The following CCDC91 variants were observed in gnomAD, a reference collection of about 807,000 sequenced individuals.
CCDC91 encodes the protein coiled-coil domain containing 91.
A neutral mutation model predicts 63.2 loss-of-function variants in CCDC91; 48 were observed. That is an observed-to-expected ratio of 0.76 (90% CI 0.60 to 0.97). The LOEUF (loss-of-function observed/expected upper bound fraction) is 0.97. Among genes scored for constraint, CCDC91 ranks in the 50% least tolerant of loss-of-function variants. The probability of loss-of-function intolerance (pLI) is 0.00; values close to 1 mark genes in which losing one functional copy is unlikely to be tolerated. For synonymous variants in CCDC91, 167 were observed against 165.8 expected (o/e 1.01, Z -0.06); for missense variants, 500 against 494.6 (o/e 1.01, Z -0.10).
At chr12:28,539,464 A>G (rs1305813541) in intron 12 of CCDC91, among the ~76,000 whole-genome samples, 1 of 152,088 alleles carries the variant, frequency 6.6e-6, no homozygotes, top group African/African-American at 2.4e-5. Flanking sequence ...CCATTGGTCT[A>G]TATCTCTGTT....
intron 1 of CCDC91, among the ~76,000 whole-genome samples, chr12:28,202,775 G>A (rs576129473): frequency 3.3e-5 from 5 of 152,338 alleles, no homozygotes; most frequent in African/African-American, 1.2e-4. Flanking sequence ...GGAGTTCAAG[G>A]AATATGTTGG....
At chr12:28,210,795 C>T (rs932442706) in intron 1 of CCDC91, among the ~76,000 whole-genome samples, 1 of 151,814 alleles carries the variant, frequency 6.6e-6, no homozygotes, top group African/African-American at 2.4e-5. Context: ...AAATATCAAG[C>T]AGAAAGTACT....
chr12:28,547,459 T>C (rs1255239420), intron 12 of CCDC91, among the ~76,000 whole-genome samples: 1 of 152,114 alleles, frequency 6.6e-6, no homozygotes, highest in Non-Finnish European at 1.5e-5. Context: ...CAAATATTTA[T>C]TGCTTGTCTA....
chr12:28,238,699 A>G (rs542395789), intron 1 of CCDC91, among the ~76,000 whole-genome samples: 3 of 152,186 alleles, frequency 2.0e-5, no homozygotes, highest in Non-Finnish European at 4.4e-5. Flanking sequence ...TTTATTATGT[A>G]TCTACATAAT....
At chr12:28,503,870 G>T (rs1384644735) in intron 12 of CCDC91, among the ~76,000 whole-genome samples, 1 of 151,204 alleles carries the variant, frequency 6.6e-6, no homozygotes, top group Non-Finnish European at 1.5e-5. Flanking sequence ...TCACTCATAG[G>T]TAGGAATTGA....
At chr12:28,270,816 ACG>A (rs1947719192) in intron 3 of CCDC91, among the ~76,000 whole-genome samples, 1 of 152,054 alleles carries the variant, frequency 6.6e-6, no homozygotes, top group Non-Finnish European at 1.5e-5. Context: ...ATCCTGCTTG[ACG>A]TTAGGAGGTA....
chr12:28,351,900 A>G (rs556740838), intron 6 of CCDC91, among the ~76,000 whole-genome samples: 11 of 152,240 alleles, frequency 7.2e-5, no homozygotes, highest in African/African-American at 2.6e-4. Context: ...CCTCTGAGTT[A>G]AGGGGATTCA....
intron 8 of CCDC91, among the ~76,000 whole-genome samples, chr12:28,395,816 G>A (rs750241752): frequency 2.0e-5 from 3 of 152,136 alleles, no homozygotes; most frequent in Non-Finnish European, 4.4e-5. Flanking sequence ...CCTAAATGAA[G>A]GAGTTCAGAA....
chr12:28,332,742 A>G (rs557496795), intron 6 of CCDC91, among the ~76,000 whole-genome samples: 1 of 152,154 alleles, frequency 6.6e-6, no homozygotes, highest in African/African-American at 2.4e-5. Flanking sequence ...ACCTTGTTTT[A>G]TGTGTGTTTC....
intron 12 of CCDC91, among the ~76,000 whole-genome samples, chr12:28,493,741 T>C (rs1431308718): frequency 6.6e-6 from 1 of 151,582 alleles, no homozygotes; most frequent in African/African-American, 2.4e-5. Context: ...AATAATAAAA[T>C]ACTGAAGGTA....
At chr12:28,503,927 G>A (rs1415508414) in intron 12 of CCDC91, among the ~76,000 whole-genome samples, 3 of 151,512 alleles carry the variant, frequency 2.0e-5, no homozygotes, top group Non-Finnish European at 4.4e-5. Context: ...ACACTCTGGG[G>A]ACTGTTGTGG....
At chr12:28,520,434 T>C (rs1029414689) in intron 12 of CCDC91, among the ~76,000 whole-genome samples, 23 of 152,334 alleles carry the variant, frequency 1.5e-4, no homozygotes, top group Middle Eastern at 3.4e-3. Context: ...TTTTTTCTTG[T>C]AAATTTGTTT....
chr12:28,397,242 G>A (rs1359027590), intron 8 of CCDC91, among the ~76,000 whole-genome samples: 3 of 152,130 alleles, frequency 2.0e-5, no homozygotes, highest in Non-Finnish European at 4.4e-5. Flanking sequence ...CAACAAGAAA[G>A]TATCACTAAC....
intron 12 of CCDC91, among the ~76,000 whole-genome samples, chr12:28,514,080 AGT>A (rs1424341624): frequency 6.6e-6 from 1 of 152,002 alleles, no homozygotes; most frequent in Non-Finnish European, 1.5e-5. Flanking sequence ...TGCCATCAGC[AGT>A]GTATAAGCAT....
intron 3 of CCDC91, among the ~76,000 whole-genome samples, chr12:28,289,884 G>A (rs1949132927): frequency 6.6e-6 from 1 of 151,704 alleles, no homozygotes; most frequent in Admixed American, 6.6e-5. Flanking sequence ...ATTAGAGACA[G>A]GGTTTCACCG....
intron 12 of CCDC91, among the ~76,000 whole-genome samples, chr12:28,514,140 A>G (rs770710562): frequency 5.9e-5 from 9 of 151,748 alleles, no homozygotes; most frequent in Admixed American, 1.3e-4. Context: ...TTTGACTTTT[A>G]AATAATAGCT....
chr12:28,495,889 G>T (rs957781803), intron 12 of CCDC91, among the ~76,000 whole-genome samples: 5 of 151,476 alleles, frequency 3.3e-5, no homozygotes, highest in African/African-American at 1.2e-4. Context: ...TAATTTGTTA[G>T]TTTGCTGCTG....
chr12:28,408,697 C>T (rs532476365), intron 8 of CCDC91, among the ~76,000 whole-genome samples: 1 of 151,950 alleles, frequency 6.6e-6, no homozygotes, highest in Non-Finnish European at 1.5e-5. Flanking sequence ...GGCTGGAGTG[C>T]AGTGGCATGA....
At chr12:28,478,767 A>AG (rs1951267404) in intron 11 of CCDC91, among the ~76,000 whole-genome samples, 1 of 152,144 alleles carries the variant, frequency 6.6e-6, no homozygotes, top group Non-Finnish European at 1.5e-5. Flanking sequence ...AATTTACAAG[A>AG]GAAAATCAAA....
Sources: allele counts gnomAD v4.1 joint callset (sites outside exome capture counted in the v4.1 genomes callset), GRCh38; gene constraint gnomAD v4.1.1; transcripts MANE v1.5; gene names NCBI Gene and HGNC (gene_info 2026-07-23, HGNC 2026-07-21).